LRFN5: variants seen among roughly 807,000 people sequenced by gnomAD.
The protein encoded by LRFN5 is leucine-rich repeat and fibronectin type-III domain-containing protein 5.
Under a neutral mutation model 45.6 loss-of-function variants are expected in LRFN5, and 24 were observed. That is an observed-to-expected ratio of 0.53 (90% CI 0.38 to 0.74). LRFN5 has a LOEUF of 0.74. Ranked by LOEUF, LRFN5 falls within the 30% of genes least tolerant of loss-of-function variation. The probability of loss-of-function intolerance (pLI) is 0.00; values close to 1 mark genes in which losing one functional copy is unlikely to be tolerated. For synonymous variants in LRFN5, 340 were observed against 313.8 expected, an observed-to-expected ratio of 1.08 and a Z score of -0.88; for missense variants, 776 against 861.5, an observed-to-expected ratio of 0.90 and a Z score of 1.24.
intron 1 of LRFN5, among the ~76,000 whole-genome samples, chr14:41,710,080 G>A (rs754565390): frequency 5.3e-5 from 8 of 151,764 alleles, no homozygotes; most frequent in African/African-American, 1.2e-4. Flanking sequence ...ATATATTGTT[G>A]TCTTTTAAAT....
intron 1 of LRFN5, among the ~76,000 whole-genome samples, chr14:41,710,434 A>G (rs887891307): frequency 6.6e-6 from 1 of 151,986 alleles, no homozygotes. Flanking sequence ...ATATCTTTTC[A>G]AATATGTATT....
chr14:41,698,153 C>T (rs984272116), intron 1 of LRFN5, among the ~76,000 whole-genome samples: 8 of 151,998 alleles, frequency 5.3e-5, no homozygotes, highest in African/African-American at 1.9e-4. Context: ...CAACAAATTC[C>T]TATAAAAATA....
At chr14:41,781,589 AAAGAAAG>A (rs1175034878) in intron 2 of LRFN5, among the ~76,000 whole-genome samples, 4 of 103,866 alleles carry the variant, frequency 3.9e-5, no homozygotes, top group Non-Finnish European at 8.0e-5. Context: ...AGAAAGAAAG[AAAGAAAG>A]AAAGAAAGAA....
chr14:41,680,048 A>T (rs902020553), intron 1 of LRFN5, among the ~76,000 whole-genome samples: 7 of 152,158 alleles, frequency 4.6e-5, no homozygotes, highest in Non-Finnish European at 1.5e-5. Context: ...GGGAGGGAAG[A>T]GTTGGAAGGA....
At chr14:41,893,357 A>C (rs1374620901) in intron 4 of LRFN5, 1 of 893,644 alleles carries the variant, frequency 1.1e-6, no homozygotes, top group Non-Finnish European at 1.3e-6. Context: ...GTTCTATTAA[A>C]GATCTATAAA....
At chr14:41,849,994 C>G (rs1009930658) in intron 2 of LRFN5, among the ~76,000 whole-genome samples, 1 of 151,708 alleles carries the variant, frequency 6.6e-6, no homozygotes, top group Non-Finnish European at 1.5e-5. Flanking sequence ...AGATGGTGAG[C>G]TTTTCAAGGG....
intron 2 of LRFN5, among the ~76,000 whole-genome samples, chr14:41,803,515 A>T (rs1270265762): frequency 1.4e-5 from 2 of 147,518 alleles, no homozygotes; most frequent in Non-Finnish European, 3.0e-5. Flanking sequence ...TTGTGCCAGG[A>T]TAGTTTTTTT....
At chr14:41,640,401 C>T (rs546181965) in intron 1 of LRFN5, among the ~76,000 whole-genome samples, 7 of 152,140 alleles carry the variant, frequency 4.6e-5, no homozygotes, top group Non-Finnish European at 7.4e-5. Flanking sequence ...ACCATATATT[C>T]GTGTAGCTCT....
intron 4 of LRFN5, chr14:41,893,000 A>G (rs1308824098): frequency 2.0e-6 from 2 of 984,848 alleles, no homozygotes; most frequent in African/African-American, 3.5e-5. Flanking sequence ...AAAATTTAAA[A>G]ACTTCTAATG....
intron 1 of LRFN5, chr14:41,699,715 G>A (rs1003064246): frequency 1.1e-4 from 17 of 152,104 alleles, no homozygotes; most frequent in South Asian, 2.1e-4. Flanking sequence ...ACAGGAGATA[G>A]AGTTATTGAG....
chr14:41,871,592 A>C (rs1890021563), intron 2 of LRFN5, among the ~76,000 whole-genome samples: 1 of 152,098 alleles, frequency 6.6e-6, no homozygotes, highest in Non-Finnish European at 1.5e-5. Context: ...TCTGTTAAAA[A>C]AAAAAAAATC....
intron 2 of LRFN5, among the ~76,000 whole-genome samples, chr14:41,804,489 A>G (rs891832112): frequency 6.6e-5 from 10 of 152,148 alleles, no homozygotes; most frequent in Admixed American, 1.3e-4. Flanking sequence ...GACCTCCGGA[A>G]TAATGACTGG....
intron 1 of LRFN5, among the ~76,000 whole-genome samples, chr14:41,730,305 A>G (rs1884115213): frequency 6.6e-6 from 1 of 152,076 alleles, no homozygotes; most frequent in African/African-American, 2.4e-5. Flanking sequence ...TATCACCCCT[A>G]CAGTAAATAT....
chr14:41,775,599 T>C (rs1173799038), intron 2 of LRFN5, among the ~76,000 whole-genome samples: 2 of 152,168 alleles, frequency 1.3e-5, no homozygotes, highest in East Asian at 3.9e-4. Flanking sequence ...GTCTTGAAGA[T>C]GTAGTTCCAT....
At chr14:41,898,886 T>C (rs759518078) in intron 4 of LRFN5, 31 bp from the exon 5 acceptor site, 1 of 1,591,314 alleles carries the variant, frequency 6.3e-7, no homozygotes, top group Non-Finnish European at 8.6e-7. Context: ...AAAAAATGAA[T>C]TGTTTATGAC....
At chr14:41,882,808 G>C (rs920814172) in intron 2 of LRFN5, among the ~76,000 whole-genome samples, 5 of 142,914 alleles carry the variant, frequency 3.5e-5, no homozygotes, top group African/African-American at 1.3e-4. Flanking sequence ...TTTCTTTTTT[G>C]TTGGTGGGGG....
intron 1 of LRFN5, among the ~76,000 whole-genome samples, chr14:41,741,039 A>G (rs1170392092): frequency 6.7e-6 from 1 of 149,846 alleles, no homozygotes; most frequent in East Asian, 2.0e-4. Context: ...ATGATTGACT[A>G]TGATGAAAAC....
chr14:41,819,494 A>G (rs887405974), intron 2 of LRFN5, among the ~76,000 whole-genome samples: 4 of 152,104 alleles, frequency 2.6e-5, no homozygotes, highest in Admixed American at 2.6e-4. Context: ...TTGCATTGCT[A>G]TAAAGAAATA....
chr14:41,630,842 G>T (rs1888508360), intron 1 of LRFN5, among the ~76,000 whole-genome samples: 1 of 151,800 alleles, frequency 6.6e-6, no homozygotes, highest in South Asian at 2.1e-4. Context: ...TTATCGTTTT[G>T]CTAATTATTT....
Sources: gnomAD v4.1 joint callset for allele counts (sites outside exome capture counted in the v4.1 genomes callset) on GRCh38, gnomAD v4.1.1 for gene constraint, MANE v1.5 for transcripts, NCBI Gene and HGNC (gene_info 2026-07-23, HGNC 2026-07-21) for gene names.